ANLN: variants seen among roughly 807,000 people sequenced by gnomAD.
ANLN encodes the protein anillin, actin binding protein, also known as anillin.
In ANLN, 59 loss-of-function variants were observed where a neutral mutation model predicts 135.1. The observed-to-expected ratio is 0.44, with a 90% CI of 0.35 to 0.54. The LOEUF (loss-of-function observed/expected upper bound fraction) is 0.54, where lower values mean the gene tolerates loss of function less well. Ranked by LOEUF, ANLN falls within the 20% of genes least tolerant of loss-of-function variation. The probability of loss-of-function intolerance (pLI) is 0.00; values close to 1 mark genes in which losing one functional copy is unlikely to be tolerated. For missense variants in ANLN, 1,182 were observed against 1,340.0 expected (o/e 0.88, Z 1.84); for synonymous variants, 406 against 456.4 (o/e 0.89, Z 1.41).
rs1173127031 is a variant in ANLN, at chr7:36,438,772, G to A, written c.2884-432G>A. Among the ~76,000 whole-genome samples, 4 of 152,222 alleles carry A rather than the reference G, an allele frequency of 2.6e-5. No homozygotes were observed. The East Asian group carries it at 7.7e-4, about 29-fold the overall frequency. ...CTTAATTTTCAAGATTGATTTGGTT[G>A]TTTGGGGTCTCTTGCAATTACATAT... On this transcript the variant is annotated intron_variant, in intron 20 of 23. Transcript: ENST00000265748.
rs755921235 is a variant in ANLN, at chr7:36,420,658, A to G, written c.2077A>G (p.Ile693Val). ...AGAACGTCCATCAATAAAGCAGGTG[A>G]TTGTTCGGAAGGAAGATGTTACTTC... ...ETERPSIKQVIVRKEDVTSKL... is the reference protein window; with the variant it reads ...ETERPSIKQVVVRKEDVTSKL... The change falls in exon 12 of 24, where the codon ATT becomes GTT. Residue 693 changes from isoleucine (I) to valine (V), a missense_variant. This residue lies in a region of ANLN where 1,022 missense variants were observed against 1,134.0 expected (regional missense o/e 0.90). Transcript: ENST00000265748. 1 of 1,613,472 alleles carries G rather than the reference A, an allele frequency of 6.2e-7. No individual in the cohort carries two copies. Among genetic ancestry groups the G allele is most frequent in the Non-Finnish European group, 8.5e-7 (1 of 1,179,376 alleles).
chr7:36,409,100 T>C (rs139684861), intron 5 of ANLN, among the ~76,000 whole-genome samples: 3 of 152,304 alleles, frequency 2.0e-5, no homozygotes, highest in East Asian at 1.9e-4. Flanking sequence ...TTGGAAACAA[T>C]AGCAAGATCC....
At chr7:36,404,967 A>G (rs1285739748) in intron 3 of ANLN, among the ~76,000 whole-genome samples, 2 of 152,232 alleles carry the variant, frequency 1.3e-5, no homozygotes, top group African/African-American at 4.8e-5. Context: ...TTTAGACAAC[A>G]GTTGACTGCT....
chr7:36,443,706 G>C, intron 21 of ANLN, 49 bp from the exon 22 acceptor site: 1 of 1,243,614 alleles, frequency 8.0e-7, no homozygotes, highest in Non-Finnish European at 1.2e-6. Context: ...TCATTGTTAG[G>C]ACATTTTCCT....
intron 2 of ANLN, among the ~76,000 whole-genome samples, chr7:36,398,448 T>A (rs1227826165): frequency 6.6e-6 from 1 of 152,188 alleles, no homozygotes; most frequent in African/African-American, 2.4e-5. Flanking sequence ...CAACTGAATT[T>A]CTCTAGGCTT....
intron 1 of ANLN, among the ~76,000 whole-genome samples, chr7:36,392,651 G>A (rs1253390624): frequency 6.6e-6 from 1 of 151,512 alleles, no homozygotes; most frequent in Non-Finnish European, 1.5e-5. Flanking sequence ...GAGCTATTGA[G>A]TTTATATATT....
chr7:36,393,053 T>G (rs1786547386), intron 1 of ANLN, among the ~76,000 whole-genome samples: 1 of 150,614 alleles, frequency 6.6e-6, no homozygotes, highest in Non-Finnish European at 1.5e-5. Flanking sequence ...TGAGTCAGAG[T>G]CTCGTTCTCG....
intron 21 of ANLN, among the ~76,000 whole-genome samples, chr7:36,441,608 G>A (rs1364802712): frequency 6.6e-6 from 1 of 152,188 alleles, no homozygotes; most frequent in Admixed American, 6.5e-5. Context: ...CTCTGGATTG[G>A]CAGCCAGAAG....
In ANLN at chr7:36,425,745, G is replaced by GTA. The variant is rs750979930; in HGVS notation, c.2748+6_2748+7dup. On this transcript the variant is annotated splice_donor_region_variant and intron_variant, in intron 18 of 23. Coordinates refer to ENST00000265748, the MANE Select transcript of ANLN (RefSeq NM_018685.5). ...CTCCTCACATCTATAACCACAGTAA[G>GTA]TAGAATTTTTGAGAAATTGAGCTTC... 1.2e-6 allele frequency: 2 copies of GTA among 1,610,762 alleles called. No individual in the cohort carries two copies. The highest frequency in any genetic ancestry group is 4.5e-5 in the East Asian group (2 of 44,776).
In ANLN at chr7:36,452,603, C is replaced by A. The variant is rs2052197; in HGVS notation, c.*3C>A. On this transcript the variant is annotated 3_prime_UTR_variant, in exon 24 of 24. Transcript: ENST00000265748. ...ACAAACCTATTGGAAAGCCTTAAAC[C>A]GGGAAATTTCCATGCTATCTAGAGG... 8 of 1,613,512 alleles carry A rather than the reference C, an allele frequency of 5.0e-6. No individual in the cohort carries two copies. The African/African-American group carries it at 5.3e-5, about 11-fold the overall frequency.
chr7:36,420,490 C>A, intron 11 of ANLN, 107 bp from the exon 12 acceptor site: 2 of 1,263,398 alleles, frequency 1.6e-6, no homozygotes, highest in South Asian at 1.4e-5. Context: ...GTGAAATGTT[C>A]TGCTGACATG....
intron 2 of ANLN, 98 bp from the exon 3 acceptor site, chr7:36,398,981 A>G (rs1168095241): frequency 1.1e-6 from 1 of 880,822 alleles, no homozygotes; most frequent in Non-Finnish European, 1.8e-6. Context: ...AAGAATAGGG[A>G]GGGGTGATGT....
chr7:36,438,953 T>C (rs1788656680), intron 20 of ANLN, among the ~76,000 whole-genome samples: 1 of 152,222 alleles, frequency 6.6e-6, no homozygotes, highest in Non-Finnish European at 1.5e-5. Context: ...TGTCGTCTGT[T>C]TTCTTTCTCA....
At chr7:36,424,236 A>G (rs1260105979) in intron 15 of ANLN, among the ~76,000 whole-genome samples, 3 of 152,174 alleles carry the variant, frequency 2.0e-5, no homozygotes, top group African/African-American at 7.2e-5. Context: ...CTCATAATGT[A>G]CTTAACATTC....
intron 3 of ANLN, 87 bp from the exon 4 acceptor site, chr7:36,406,094 A>T: frequency 7.7e-7 from 1 of 1,303,558 alleles, no homozygotes; most frequent in Non-Finnish European, 1.0e-6. Flanking sequence ...AATCTCATTT[A>T]AAAATTCAGC....
intron 3 of ANLN, chr7:36,403,497 C>G (rs1787051626): frequency 6.6e-6 from 1 of 152,104 alleles, no homozygotes; most frequent in Non-Finnish European, 1.5e-5. Flanking sequence ...AAATACAAAG[C>G]CTGCAAAGTG....
chr7:36,449,921 T>A, intron 23 of ANLN, 84 bp downstream of exon 23: 1 of 1,385,308 alleles, frequency 7.2e-7, no homozygotes. Context: ...ATATCACAGA[T>A]GGTCCTTGAC....
intron 21 of ANLN, among the ~76,000 whole-genome samples, chr7:36,441,186 G>T (rs1422806198): frequency 2.0e-5 from 3 of 152,126 alleles, no homozygotes; most frequent in East Asian, 1.9e-4. Context: ...GATGCCTTTA[G>T]CAATGGATAG....
intron 21 of ANLN, among the ~76,000 whole-genome samples, chr7:36,440,029 C>A (rs78978094): frequency 0.076 from 11,547 of 152,250 alleles, 524 homozygotes; most frequent in Non-Finnish European, 0.11. Context: ...CCGAAGAAGA[C>A]TAGTCAGTTC....
Sources: gnomAD v4.1 joint callset for allele counts (sites outside exome capture counted in the v4.1 genomes callset) on GRCh38, gnomAD v4.1.1 for gene constraint, gnomAD v4.1.1 regional missense constraint, MANE v1.5 for transcripts, NCBI Gene and HGNC (gene_info 2026-07-23, HGNC 2026-07-21) for gene names.